GALNT17: variants seen among roughly 807,000 people sequenced by gnomAD.
GALNT17 encodes polypeptide N-acetylgalactosaminyltransferase 17.
Under a neutral mutation model 63.7 loss-of-function variants are expected in GALNT17, and 29 were observed. The observed-to-expected ratio is 0.46, with a 90% confidence interval of 0.34 to 0.62. GALNT17 has a LOEUF of 0.62. Ranked by LOEUF, GALNT17 falls within the 20% of genes least tolerant of loss-of-function variation. The pLI, the probability that GALNT17 is intolerant of heterozygous loss-of-function variation, is 0.01. For synonymous variants in GALNT17, 305 were observed against 318.3 expected (o/e 0.96, Z 0.45); for missense variants, 603 against 799.6 (o/e 0.75, Z 2.97).
chr7:71,338,098 C>T (rs746341679), intron 2 of GALNT17, among the ~76,000 whole-genome samples: 1 of 151,262 alleles, frequency 6.6e-6, no homozygotes, highest in Admixed American at 6.6e-5. Flanking sequence ...GAGGCCGAGG[C>T]GGGCGGATCA....
At chr7:71,388,148 C>A in intron 2 of GALNT17, 87 bp from the exon 3 acceptor site, 1 of 1,422,068 alleles carries the variant, frequency 7.0e-7, no homozygotes. Context: ...GATGAGGATT[C>A]GGCTGAAATC....
At chr7:71,401,199 C>T (rs1024090025) in intron 3 of GALNT17, among the ~76,000 whole-genome samples, 2 of 151,260 alleles carry the variant, frequency 1.3e-5, no homozygotes, top group South Asian at 2.1e-4. Flanking sequence ...CAGGTTCAAG[C>T]GATTCTCCTG....
chr7:71,583,354 G>A (rs181104040), intron 6 of GALNT17, among the ~76,000 whole-genome samples: 17 of 152,218 alleles, frequency 1.1e-4, no homozygotes, highest in Admixed American at 2.6e-4. Context: ...TCGGCCTCCC[G>A]AAGTGCTAGG....
chr7:71,584,646 T>A (rs1004821510), intron 6 of GALNT17, among the ~76,000 whole-genome samples: 1 of 152,208 alleles, frequency 6.6e-6, no homozygotes, highest in Non-Finnish European at 1.5e-5. Flanking sequence ...CTCAAAAAAA[T>A]TTGTTTGATA....
chr7:71,525,778 C>T (rs536769403), intron 5 of GALNT17, among the ~76,000 whole-genome samples: 15 of 124,164 alleles, frequency 1.2e-4, no homozygotes, highest in South Asian at 5.4e-4. Flanking sequence ...CTTGCTCTAT[C>T]GCCCAGGCTG....
chr7:71,227,793 A>G (rs1789709000), intron 1 of GALNT17, among the ~76,000 whole-genome samples: 1 of 152,116 alleles, frequency 6.6e-6, no homozygotes. Context: ...CAAAAAACCC[A>G]TTGCCTGGTG....
chr7:71,488,889 CTTTTTTT>C (rs369124996), intron 5 of GALNT17, among the ~76,000 whole-genome samples: 6 of 54,738 alleles, frequency 1.1e-4, no homozygotes, highest in Admixed American at 1.1e-3. Flanking sequence ...GCCAGGTTTC[CTTTTTTT>C]TTTTTTTTTT....
intron 5 of GALNT17, among the ~76,000 whole-genome samples, chr7:71,477,093 C>T (rs1583986895): frequency 6.6e-6 from 1 of 152,102 alleles, no homozygotes; most frequent in Non-Finnish European, 1.5e-5. Context: ...GTAAGCATTA[C>T]TATGTAAGTT....
At chr7:71,391,282 C>T (rs1235268062) in intron 3 of GALNT17, among the ~76,000 whole-genome samples, 1 of 152,058 alleles carries the variant, frequency 6.6e-6, no homozygotes, top group Non-Finnish European at 1.5e-5. Flanking sequence ...AATGGCGCAC[C>T]CTCTCCTGAG....
chr7:71,420,537 T>C (rs1199725522), intron 4 of GALNT17, among the ~76,000 whole-genome samples: 9 of 152,142 alleles, frequency 5.9e-5, no homozygotes, highest in Non-Finnish European at 1.3e-4. Flanking sequence ...GACGACACTG[T>C]ATAAAACTGT....
intron 2 of GALNT17, among the ~76,000 whole-genome samples, chr7:71,346,905 C>T (rs1484639177): frequency 6.6e-6 from 1 of 151,728 alleles, no homozygotes; most frequent in Non-Finnish European, 1.5e-5. Context: ...TAGTGTAATA[C>T]AGTTGAAACC....
chr7:71,479,031 C>T (rs1407984476), intron 5 of GALNT17, among the ~76,000 whole-genome samples: 1 of 152,188 alleles, frequency 6.6e-6, no homozygotes, highest in African/African-American at 2.4e-5. Context: ...AATCACTTGG[C>T]ACTTCGCAGT....
At chr7:71,265,175 G>A (rs1280262469) in intron 1 of GALNT17, among the ~76,000 whole-genome samples, 1 of 126,778 alleles carries the variant, frequency 7.9e-6, no homozygotes, top group African/African-American at 3.0e-5. Flanking sequence ...CACTCAGTCT[G>A]GAGTGCAGTG....
intron 5 of GALNT17, among the ~76,000 whole-genome samples, chr7:71,486,538 G>A (rs1057203462): frequency 6.6e-6 from 1 of 151,652 alleles, no homozygotes; most frequent in African/African-American, 2.4e-5. Context: ...AGTGCTGTAG[G>A]GGCGCTGTGA....
chr7:71,175,082 A>G (rs768210371), intron 1 of GALNT17, among the ~76,000 whole-genome samples: 3 of 152,184 alleles, frequency 2.0e-5, no homozygotes, highest in African/African-American at 4.8e-5. Flanking sequence ...ATCTATATCT[A>G]TCTATCTATC....
Position 71,643,837 on chromosome 7 carries a change from A to T in GALNT17, c.1081-21574A>T, listed in dbSNP as rs575792123. ...CAATCGTTTAAAAATTTAAAAGACC[A>T]TTTCCCTTTATCAACTCCACAGCTG... On this transcript the variant is annotated intron_variant, in intron 6 of 10. Coordinates refer to ENST00000333538, the MANE Select transcript of GALNT17 (RefSeq NM_022479.3). Among the ~76,000 whole-genome samples the T allele has an allele frequency of 3.9e-5, 6 of 152,284 alleles. No homozygotes were observed. In the East Asian group the frequency reaches 7.7e-4, roughly 20 times the overall value.
intron 1 of GALNT17, among the ~76,000 whole-genome samples, chr7:71,230,801 G>A (rs1024664961): frequency 1.3e-5 from 2 of 152,108 alleles, no homozygotes; most frequent in African/African-American, 4.8e-5. Context: ...TGGGGAGTCC[G>A]CCTTGGTTTT....
In GALNT17 at chr7:71,408,391, T is replaced by C. The variant is rs1793367460; in HGVS notation, c.590-7498T>C. Among the ~76,000 whole-genome samples, 5 of 152,162 alleles carry C rather than the reference T, an allele frequency of 3.3e-5. No homozygotes were observed. In the South Asian group the frequency reaches 1.0e-3, roughly 32 times the overall value. ...TGGGGAGAGGTGTTGGTGATAAGCG[T>C]GGCAGTGGTGGCAATGGGAGTTGAT... On this transcript the variant is annotated intron_variant, in intron 3 of 10. Coordinates refer to ENST00000333538, the MANE Select transcript of GALNT17 (RefSeq NM_022479.3).
chr7:71,449,169 G>C (rs1787215592), intron 5 of GALNT17, among the ~76,000 whole-genome samples: 1 of 132,302 alleles, frequency 7.6e-6, no homozygotes, highest in Admixed American at 8.8e-5. Context: ...CTGGAGTGCA[G>C]TGGCGCGATC....
Sources: allele counts gnomAD v4.1 joint callset (sites outside exome capture counted in the v4.1 genomes callset), GRCh38; gene constraint gnomAD v4.1.1; transcripts MANE v1.5; gene names NCBI Gene and HGNC (gene_info 2026-07-23, HGNC 2026-07-21).